The following DPY19L1 variants were observed in gnomAD, a reference collection of about 807,000 sequenced individuals.
The protein encoded by DPY19L1 is protein C-mannosyl-transferase DPY19L1.
DPY19L1 carries 35 observed loss-of-function variants against 96.9 expected under a neutral mutation model. The observed-to-expected ratio is 0.36, with a 90% confidence interval of 0.28 to 0.48. DPY19L1 has a LOEUF of 0.48. Among genes scored for constraint, DPY19L1 ranks in the 20% least tolerant of loss-of-function variants. The pLI, the probability that DPY19L1 is intolerant of heterozygous loss-of-function variation, is 0.99. For missense variants in DPY19L1, 521 were observed against 777.9 expected (o/e 0.67, Z 3.93); for synonymous variants, 205 against 252.6 (o/e 0.81, Z 1.79).
intron 10 of DPY19L1, among the ~76,000 whole-genome samples, chr7:34,961,679 T>C (rs1173671277): frequency 6.6e-6 from 1 of 152,140 alleles, no homozygotes; most frequent in Non-Finnish European, 1.5e-5. Flanking sequence ...TTCTGCTCTG[T>C]GAAAGACAGG....
At chr7:35,015,101 T>C (rs889105213) in intron 3 of DPY19L1, among the ~76,000 whole-genome samples, 11 of 152,228 alleles carry the variant, frequency 7.2e-5, no homozygotes, top group African/African-American at 2.7e-4. Flanking sequence ...GCCACCTAGC[T>C]TGTTGCACTT....
At chr7:34,932,455 C>T (rs770137635) in intron 21 of DPY19L1, among the ~76,000 whole-genome samples, 1 of 152,110 alleles carries the variant, frequency 6.6e-6, no homozygotes, top group Non-Finnish European at 1.5e-5. Flanking sequence ...GCTGTACTGA[C>T]ACTGAAAAAC....
At position 34,952,114 on chromosome 7, in the gene DPY19L1, T is replaced by TAA. The variant is rs150497259; in HGVS notation, c.1321-2218_1321-2217dup. ...CTAAGTTGCCAGAAAGTAGGAAAAA[T>TAA]AAAAAAAAAGACCACAAAAAAAAAA... On this transcript the variant is annotated intron_variant, in intron 13 of 21. Coordinates refer to ENST00000638088, the MANE Select transcript of DPY19L1 (RefSeq NM_001366673.1). 6.0e-3 allele frequency among the ~76,000 whole-genome samples: 652 copies of TAA among 107,862 alleles called. 6 individuals carry two copies. Among genetic ancestry groups the TAA allele is most frequent in the African/African-American group, 0.02 (585 of 29,588 alleles). 70.8% of individuals were successfully genotyped at this position (107,862 alleles called of 152,430 possible). A position where few individuals can be genotyped will look rare whatever the true frequency, so the allele number is the denominator to read the frequency against.
rs1217060735 is a variant in DPY19L1 at position 34,939,439 on chromosome 7, G to A, written c.1865-64C>T. ...GAAGGCGAGAAGGTGTCTCCTTCAA[G>A]TGTAAATCAATTATTTCACAGGTAA... On this transcript the variant is annotated intron_variant, in intron 19 of 21. Transcript: ENST00000638088. 1.4e-5 allele frequency: 20 copies of A among 1,393,150 alleles called. No homozygotes were observed. The African/African-American group carries it at 2.4e-4, about 17-fold the overall frequency. 86.3% of individuals were successfully genotyped at this position (1,393,150 alleles called of 1,614,324 possible). A position where few individuals can be genotyped will look rare whatever the true frequency, so the allele number is the denominator to read the frequency against.
At chr7:35,023,828 C>CTTT (rs1786053482) in intron 1 of DPY19L1, among the ~76,000 whole-genome samples, 1 of 123,804 alleles carries the variant, frequency 8.1e-6, no homozygotes, top group Non-Finnish European at 1.8e-5. Flanking sequence ...TTTTTCTTTT[C>CTTT]TTTTCTTTTT....
At chr7:34,972,759 G>T (rs752459764) in intron 8 of DPY19L1, among the ~76,000 whole-genome samples, 7 of 152,096 alleles carry the variant, frequency 4.6e-5, no homozygotes, top group Admixed American at 1.3e-4. Context: ...GGAGTTTAGG[G>T]GACAGCAATA....
chr7:35,020,620 T>C (rs1225848552), intron 1 of DPY19L1, among the ~76,000 whole-genome samples: 1 of 152,200 alleles, frequency 6.6e-6, no homozygotes, highest in Non-Finnish European at 1.5e-5. Context: ...TTTTGAAGAG[T>C]ATTTATTTTG....
At chr7:34,974,548 T>C (rs1203896072) in intron 7 of DPY19L1, among the ~76,000 whole-genome samples, 1 of 152,226 alleles carries the variant, frequency 6.6e-6, no homozygotes, top group Non-Finnish European at 1.5e-5. Flanking sequence ...TACATATCTA[T>C]TTATGAATGA....
chr7:34,942,108 G>A (rs1784032869), intron 17 of DPY19L1, among the ~76,000 whole-genome samples: 1 of 152,212 alleles, frequency 6.6e-6, no homozygotes, highest in African/African-American at 2.4e-5. Context: ...GTGATTCTCA[G>A]AGTCAAACCT....
intron 5 of DPY19L1, 76 bp downstream of exon 5, chr7:35,011,254 A>G: frequency 6.6e-7 from 1 of 1,514,198 alleles, no homozygotes; most frequent in South Asian, 1.2e-5. Context: ...CTAAGTTTAC[A>G]GTGTAAGTTT....
chr7:34,961,453 T>A (rs1051938273), intron 10 of DPY19L1, among the ~76,000 whole-genome samples: 10 of 152,038 alleles, frequency 6.6e-5, no homozygotes, highest in African/African-American at 2.4e-4. Context: ...TACAAAAAAA[T>A]AAATCTAGAC....
chr7:35,004,468 T>C (rs328935), intron 6 of DPY19L1, among the ~76,000 whole-genome samples: 41,619 of 152,116 alleles, frequency 0.27, 5,817 homozygotes, highest in Non-Finnish European at 0.31. Flanking sequence ...ATGTCATTTC[T>C]TCTGAGGGTT....
intron 6 of DPY19L1, among the ~76,000 whole-genome samples, chr7:34,997,607 C>G (rs1299470267): frequency 2.1e-5 from 1 of 48,772 alleles, no homozygotes; most frequent in Non-Finnish European, 4.1e-5. Context: ...GAGACTCCGT[C>G]TCAAAAAAAA....
intron 21 of DPY19L1, among the ~76,000 whole-genome samples, chr7:34,933,106 A>C (rs1047374331): frequency 1.7e-4 from 26 of 152,332 alleles, no homozygotes; most frequent in African/African-American, 5.3e-4. Flanking sequence ...TGACTTCTAT[A>C]AACAATCCAG....
rs1482737850 is a variant in DPY19L1 at position 34,942,515 on chromosome 7, C to T, written c.1569+100G>A. 5.4e-6 allele frequency: 5 copies of T among 920,630 alleles called. No individual in the cohort carries two copies. In the South Asian group the frequency reaches 5.9e-5, roughly 11 times the overall value. 57.0% of individuals were successfully genotyped at this position (920,630 alleles called of 1,614,324 possible). A position where few individuals can be genotyped will look rare whatever the true frequency, so the allele number is the denominator to read the frequency against. On this transcript the variant is annotated intron_variant, in intron 17 of 21. Transcript: ENST00000638088. The stretch of plus-strand genomic sequence containing the variant: ...TAACAGGCTATTTTCAAGATGATTG[C>T]TGACAATTGCCAACAAAGTTAGAAA...
intron 6 of DPY19L1, among the ~76,000 whole-genome samples, chr7:35,001,995 C>T (rs1247895127): frequency 1.3e-5 from 2 of 151,644 alleles, no homozygotes; most frequent in African/African-American, 2.4e-5. Flanking sequence ...TGTGGTGGTG[C>T]GTGCCTGTAG....
At chr7:34,966,229 T>C (rs1784605058) in intron 10 of DPY19L1, among the ~76,000 whole-genome samples, 1 of 152,196 alleles carries the variant, frequency 6.6e-6, no homozygotes, top group African/African-American at 2.4e-5. Flanking sequence ...TCCCCCACTC[T>C]GTTAGAATGT....
chr7:34,939,153 G>C, intron 20 of DPY19L1, 123 bp downstream of exon 20: 2 of 806,452 alleles, frequency 2.5e-6, no homozygotes, highest in Non-Finnish European at 3.8e-6. Context: ...TCTGCTCCCT[G>C]ACTCGATAAG....
At chr7:34,989,644 CAA>C (rs375852661) in intron 7 of DPY19L1, among the ~76,000 whole-genome samples, 7 of 146,514 alleles carry the variant, frequency 4.8e-5, no homozygotes, top group African/African-American at 7.6e-5. Context: ...ACAACAACAA[CAA>C]AAAAAAAAAA....
Sources: allele counts gnomAD v4.1 joint callset (sites outside exome capture counted in the v4.1 genomes callset), GRCh38; gene constraint gnomAD v4.1.1; transcripts MANE v1.5; gene names NCBI Gene and HGNC (gene_info 2026-07-23, HGNC 2026-07-21).